BAIAP2: variants seen among roughly 807,000 people sequenced by gnomAD.
BAIAP2 encodes the protein BAR/IMD domain containing adaptor protein 2, also known as BAR/IMD domain-containing adapter protein 2.
In BAIAP2, 18 loss-of-function variants were observed where a neutral mutation model predicts 63.0. The observed-to-expected ratio is 0.29, with a 90% CI of 0.20 to 0.42. BAIAP2 has a LOEUF of 0.42. Among genes scored for constraint, BAIAP2 ranks in the 10% least tolerant of loss-of-function variants. The pLI, the probability that BAIAP2 is intolerant of heterozygous loss-of-function variation, is 1.00. For missense variants in BAIAP2, 610 were observed against 734.3 expected (o/e 0.83, Z 1.96); for synonymous variants, 386 against 307.6 (o/e 1.25, Z -2.67).
At chr17:81,043,932 C>T (rs2143670617) in intron 1 of BAIAP2, among the ~76,000 whole-genome samples, 1 of 152,378 alleles carries the variant, frequency 6.6e-6, no homozygotes, top group South Asian at 2.1e-4. Flanking sequence ...TAGCGTATTT[C>T]CTGGCACAGA....
At position 81,117,315 on chromosome 17, in the gene BAIAP2, T is replaced by TTTCTC. The variant is rs780831885; in HGVS notation, c.*1479_*1483dup. On this transcript the variant is annotated 3_prime_UTR_variant, in exon 14 of 14. Transcript: ENST00000428708. ...AAAGGTTTCTTTTGTCTTAGCTTCA[T>TTTCTC]TTCTCTTAAAAAACAAGGAACAAGA... The TTTCTC allele has an allele frequency of 6.6e-6, 1 of 152,250 alleles. No individual in the cohort carries two copies. 9.4% of individuals were successfully genotyped at this position (152,250 alleles called of 1,614,324 possible).
rs1018581561 is a variant in BAIAP2, at chr17:81,046,768, T to G, written c.55-6900T>G. On this transcript the variant is annotated intron_variant, in intron 1 of 13. Coordinates refer to ENST00000428708, the MANE Select transcript of BAIAP2 (RefSeq NM_001144888.2). The surrounding 1 kb of genome is among the most constrained non-coding windows in gnomAD (Gnocchi z 4.5). Reference sequence around the variant, plus strand: ...TACATGTGGCCGGGGGTTTCCAGGCTTGGCTCTGTCCCGTGCGCCCTTCCC... The same window carrying G: ...TACATGTGGCCGGGGGTTTCCAGGCGTGGCTCTGTCCCGTGCGCCCTTCCC... Among the ~76,000 whole-genome samples, 2 of 152,016 alleles carry G rather than the reference T, an allele frequency of 1.3e-5. No individual in the cohort carries two copies. Among genetic ancestry groups the G allele is most frequent in the African/African-American group, 4.8e-5 (2 of 41,356 alleles).
At chr17:81,104,444 A>T in intron 9 of BAIAP2, 70 bp from the exon 10 acceptor site, 1 of 1,495,806 alleles carries the variant, frequency 6.7e-7, no homozygotes, top group South Asian at 1.3e-5. Flanking sequence ...CAGCACCTCA[A>T]CCAGACTCCC....
chr17:81,093,718 G>A (rs1031801886), intron 6 of BAIAP2, among the ~76,000 whole-genome samples: 51 of 152,304 alleles, frequency 3.3e-4, no homozygotes, highest in Admixed American at 7.2e-4. Flanking sequence ...GAGGCCTATA[G>A]CCTGGATTGA....
At position 81,111,013 on chromosome 17, in the gene BAIAP2, G is replaced by A. The variant is rs185311591; in HGVS notation, c.1535+2504G>A. The A allele has an allele frequency of 1.4e-4, 217 of 1,605,428 alleles. 1 individual carries two copies. In the African/African-American group the frequency reaches 2.3e-3, roughly 17 times the overall value. ...ACTGGCCTCTCCAGTGGTTCTCCAC[G>A]GGCCCTCTGGCCTCAGTCACGCAGC... On this transcript the variant is annotated intron_variant, in intron 13 of 13. Coordinates refer to ENST00000428708, the MANE Select transcript of BAIAP2 (RefSeq NM_001144888.2).
At chr17:81,057,591 G>C in intron 2 of BAIAP2, 2 of 1,116,780 alleles carry the variant, frequency 1.8e-6, no homozygotes, top group Non-Finnish European at 2.2e-6. Flanking sequence ...CTGCCTGGTA[G>C]CACGTGATAG....
At chr17:81,067,204 C>G (rs12951666) in intron 3 of BAIAP2, among the ~76,000 whole-genome samples, 75,929 of 152,152 alleles carry the variant, frequency 0.5, 19,415 homozygotes, top group East Asian at 0.57. Context: ...AGTAGGACTC[C>G]GGCAGGGGTG....
chr17:81,086,369 G>T, intron 5 of BAIAP2, 74 bp from the exon 6 acceptor site: 1 of 1,568,822 alleles, frequency 6.4e-7, no homozygotes, highest in South Asian at 1.2e-5. Flanking sequence ...CATGGGCCTC[G>T]GTTTTGCTGC....
Position 81,057,961 on chromosome 17 carries a change from G to C in BAIAP2, c.211G>C (p.Glu71Gln). The change falls in exon 3 of 14, where the codon GAA (glutamate) becomes CAA (glutamine). Residue 71 changes from glutamate to glutamine, a missense_variant. Around this residue, in one of 5 missense-constraint regions of BAIAP2, gnomAD observed 389 missense variants for 455.6 expected, o/e 0.85. Coordinates refer to ENST00000428708, the MANE Select transcript of BAIAP2 (RefSeq NM_001144888.2). ...ELASESQGSK[E>Q]LGDVLFQMAE... Reference sequence around the variant, plus strand: ...GGCCAGCGAGAGCCAGGGCTCCAAAGAACTCGGTGAGACCCCCCCCCCCCC... The same window carrying C: ...GGCCAGCGAGAGCCAGGGCTCCAAACAACTCGGTGAGACCCCCCCCCCCCC... 1 of 1,024,656 alleles carries C rather than the reference G, an allele frequency of 9.8e-7. No homozygotes were observed. Among genetic ancestry groups the C allele is most frequent in the Non-Finnish European group, 1.4e-6 (1 of 736,850 alleles). 63.5% of individuals were successfully genotyped at this position (1,024,656 alleles called of 1,614,324 possible).
chr17:81,096,802 G>A (rs768934642), intron 6 of BAIAP2, among the ~76,000 whole-genome samples: 4 of 152,260 alleles, frequency 2.6e-5, no homozygotes, highest in Non-Finnish European at 5.9e-5. Flanking sequence ...TCTGGCTGTC[G>A]CACTCTACCC....
intron 7 of BAIAP2, among the ~76,000 whole-genome samples, chr17:81,100,785 T>C (rs916867371): frequency 1.3e-5 from 2 of 152,018 alleles, no homozygotes; most frequent in Admixed American, 1.3e-4. Context: ...GCCTCCCCAG[T>C]CCCTCCCTCA....
In BAIAP2 at chr17:81,057,989, CG is replaced by C. The variant is rs1568090008; in HGVS notation, c.217+23del. The C allele has an allele frequency of 4.9e-3, 5,187 of 1,067,270 alleles. 156 individuals are homozygous for C. The highest frequency in any genetic ancestry group is 9.0e-3 in the East Asian group (256 of 28,310). 66.1% of individuals were successfully genotyped at this position (1,067,270 alleles called of 1,614,324 possible). Reference sequence around the variant, plus strand: ...CTCGGTGAGACCCCCCCCCCCCCCCCGCCTGGTAGTCGCCTGATGCCCTCAG... The same window carrying C: ...CTCGGTGAGACCCCCCCCCCCCCCCCCCTGGTAGTCGCCTGATGCCCTCAG... On this transcript the variant is annotated intron_variant, in intron 3 of 13. Transcript: ENST00000428708.
rs1325779982 is a variant in BAIAP2, at chr17:81,116,309, TC to T, written c.*473del. The T allele has an allele frequency of 1.2e-6, 2 of 1,612,640 alleles. No individual in the cohort carries two copies. Among genetic ancestry groups the T allele is most frequent in the African/African-American group, 1.3e-5 (1 of 74,920 alleles). On this transcript the variant is annotated 3_prime_UTR_variant, in exon 14 of 14. Transcript: ENST00000428708. ...CCGCACCCTGGCTGGAAGATGAACT[TC>T]CCGTAAGCACGTAATTCCCTGCAGG...
At chr17:81,067,161 C>G (rs11656588) in intron 3 of BAIAP2, among the ~76,000 whole-genome samples, 70,938 of 152,140 alleles carry the variant, frequency 0.47, 16,972 homozygotes, top group East Asian at 0.57. Context: ...GCCTGTACCT[C>G]CCTTCCCCCC....
intron 1 of BAIAP2, among the ~76,000 whole-genome samples, chr17:81,038,349 C>T (rs1366834043): frequency 6.6e-6 from 1 of 152,240 alleles, no homozygotes; most frequent in Admixed American, 6.5e-5. Context: ...CTCGTGTCCG[C>T]AGAGAAGCCC....
chr17:81,115,796 A>T lies in BAIAP2; in HGVS notation c.1562A>T (p.Lys521Met), dbSNP rs1228892520. 2 of 1,613,432 alleles carry T rather than the reference A, an allele frequency of 1.2e-6. No individual in the cohort carries two copies. Among genetic ancestry groups the T allele is most frequent in the Non-Finnish European group, 1.7e-6 (2 of 1,180,026 alleles). ...AATCCCTTTGCCCACGTCCAGCTGA[A>T]GCCGACAGTGACCAACGACAGGTCT... ...SRNPFAHVQL[K>M]PTVTNDRSAP... is the part of the protein sequence containing the mutation. The change falls in exon 14 of 14, where the codon AAG becomes ATG. Residue 521 changes from lysine (K) to methionine (M), a missense_variant. By Grantham distance (95) the Lys-to-Met change is moderately conservative. Coordinates refer to ENST00000428708, the MANE Select transcript of BAIAP2 (RefSeq NM_001144888.2).
At chr17:81,036,633 G>A (rs1568049071) in intron 1 of BAIAP2, among the ~76,000 whole-genome samples, 1 of 152,208 alleles carries the variant, frequency 6.6e-6, no homozygotes, top group Admixed American at 6.5e-5. Context: ...GTGTGCGGTC[G>A]ACTAGATGAG....
chr17:81,053,628 C>A (rs751356929), intron 1 of BAIAP2, 40 bp from the exon 2 acceptor site: 2 of 1,611,006 alleles, frequency 1.2e-6, no homozygotes, highest in South Asian at 2.2e-5. Flanking sequence ...ACCAGGGTGA[C>A]CTCTGCCAGT....
intron 13 of BAIAP2, chr17:81,109,710 A>C (rs2059666349): frequency 1.0e-6 from 1 of 985,282 alleles, no homozygotes; most frequent in Admixed American, 6.1e-5. Context: ...AGCGCGGCAC[A>C]GTGGCCTCAC....
Sources: allele counts gnomAD v4.1 joint callset (sites outside exome capture counted in the v4.1 genomes callset), GRCh38; gene constraint gnomAD v4.1.1; regional missense constraint gnomAD v4.1.1; non-coding constraint Gnocchi (gnomAD v3.1); transcripts MANE v1.5; gene names NCBI Gene and HGNC (gene_info 2026-07-23, HGNC 2026-07-21).